Variants in PRPF8 observed in about 807,000 individuals in gnomAD.
PRPF8 encodes pre-mRNA-processing-splicing factor 8.
A neutral mutation model predicts 285.9 loss-of-function variants in PRPF8; 64 were observed. The observed-to-expected ratio is 0.22, with a 90% CI of 0.18 to 0.28. The LOEUF (loss-of-function observed/expected upper bound fraction) is 0.28. PRPF8 is among the 10% of genes least tolerant of loss of function. The probability of loss-of-function intolerance (pLI) is 1.00; values close to 1 mark genes in which losing one functional copy is unlikely to be tolerated. For missense variants in PRPF8, 1,426 were observed against 3,026.7 expected (o/e 0.47, Z 12.41); for synonymous variants, 1,325 against 1,118.2 (o/e 1.18, Z -3.69).
intron 24 of PRPF8, among the ~76,000 whole-genome samples, chr17:1,663,490 C>T (rs114980482): frequency 6.0e-5 from 9 of 150,340 alleles, no homozygotes; most frequent in African/African-American, 1.2e-4. Context: ...AGGCGGGCCT[C>T]GGGGTCAGGA....
chr17:1,678,722 C>A (rs780709823), intron 12 of PRPF8, 40 bp downstream of exon 12: 2 of 1,614,098 alleles, frequency 1.2e-6, no homozygotes, highest in South Asian at 1.1e-5. Context: ...CTTCCTCCAG[C>A]GTCCTCACCC....
In PRPF8 at chr17:1,681,578, A is replaced by G; in HGVS notation, c.766T>C (p.Tyr256His). Residue 256 changes from tyrosine to histidine, a missense_variant, in exon 6 of 43, where the codon TAC (tyrosine) becomes CAC (histidine). Physicochemically the swap from Tyr to His is moderately conservative, Grantham distance 83. Coordinates refer to ENST00000304992, the MANE Select transcript of PRPF8 (RefSeq NM_006445.4). The part of the protein sequence containing the change: ...LTDLVDDNYF[Y>H]LFDLKAFFTS... Reference sequence around the variant, plus strand: ...AAGAAGGCCTTCAAATCAAACAGGTAGAAGTAGTTGTCATCCACCAAGTCT... The same window carrying G: ...AAGAAGGCCTTCAAATCAAACAGGTGGAAGTAGTTGTCATCCACCAAGTCT... 1 of 1,613,830 alleles carries G rather than the reference A, an allele frequency of 6.2e-7. No individual in the cohort carries two copies. Among genetic ancestry groups the G allele is most frequent in the Non-Finnish European group, 8.5e-7 (1 of 1,179,716 alleles).
At position 1,660,978 on chromosome 17, in the gene PRPF8, G is replaced by C; in HGVS notation, c.4508+15C>G. 6.2e-7 allele frequency: 1 copy of C among 1,613,522 alleles called. No individual in the cohort carries two copies. The highest frequency in any genetic ancestry group is 8.5e-7 in the Non-Finnish European group (1 of 1,180,020). ...AGGGTTGTGACAGGTCCCTCTAAGA[G>C]AGGAGAATCCTCACCAGAAAAGCCC... On this transcript the variant is annotated intron_variant, in intron 28 of 42. Coordinates refer to ENST00000304992, the MANE Select transcript of PRPF8 (RefSeq NM_006445.4).
rs1442884009 is a variant in PRPF8, at chr17:1,661,288, C to T, written c.4321G>A (p.Asp1441Asn). The T allele has an allele frequency of 6.2e-7, 1 of 1,614,172 alleles. No individual in the cohort carries two copies. Among genetic ancestry groups the T allele is most frequent in the South Asian group, 1.1e-5 (1 of 91,074 alleles). Reference protein sequence around the residue: ...AYDKGWRVRTDFKQYQVLKQN... With the variant: ...AYDKGWRVRTNFKQYQVLKQN... ...CTACATACCTGATACTGCTTAAAGT[C>T]AGTTCTGACACGCCAGCCCTTATCA... is the stretch of plus-strand genomic sequence containing the variant. The change falls in exon 27 of 43, where the codon GAC becomes AAC. Residue 1441 changes from aspartate to asparagine, a missense_variant. This residue lies in a region of PRPF8 where 40 missense variants were observed against 121.6 expected (regional missense o/e 0.33). Coordinates refer to ENST00000304992, the MANE Select transcript of PRPF8 (RefSeq NM_006445.4). This position sits in a 1 kb window ranked among gnomAD's most constrained non-coding sequence, Gnocchi z 7.3.
intron 24 of PRPF8, among the ~76,000 whole-genome samples, chr17:1,667,929 C>T (rs897828392): frequency 1.3e-5 from 2 of 152,212 alleles, no homozygotes; most frequent in Non-Finnish European, 2.9e-5. Flanking sequence ...CCTCCCACCT[C>T]GGCTTCCAAA....
rs146749363 is a variant in PRPF8, at chr17:1,676,266, G to C, written c.2493C>G (p.Ser831=). 5.1e-4 allele frequency: 820 copies of C among 1,614,056 alleles called. 5 individuals are homozygous for C. In the African/African-American group the frequency reaches 9.1e-3, roughly 18 times the overall value. Residue 831 remains serine, a synonymous_variant, in exon 17 of 43, where the codon TCC becomes TCG. Coordinates refer to ENST00000304992, the MANE Select transcript of PRPF8 (RefSeq NM_006445.4). This position sits in a 1 kb window ranked among gnomAD's most constrained non-coding sequence, Gnocchi z 6.3. ...RFSPIPFPPL[S]YKHDTKLLIL... is the part of the protein sequence containing the mutation. Reference sequence around the variant, plus strand: ...TGAGCAACTTGGTGTCATGCTTATAGGAGAGTGGGGGGAATGGGATGGGTG... The same window carrying C: ...TGAGCAACTTGGTGTCATGCTTATACGAGAGTGGGGGGAATGGGATGGGTG...
At position 1,661,525 on chromosome 17, in the gene PRPF8, T is replaced by C. The variant is rs183947597; in HGVS notation, c.4202+86A>G. The stretch of plus-strand genomic sequence containing the variant: ...CAGCCTTCTCACCTCCATACAACCA[T>C]GGCATGCTCTGACCCTGAACTCCAC... On this transcript the variant is annotated intron_variant, in intron 26 of 42. Transcript: ENST00000304992. This position sits in a 1 kb window ranked among gnomAD's most constrained non-coding sequence, Gnocchi z 7.3. 5.0e-6 allele frequency: 8 copies of C among 1,608,682 alleles called. No homozygotes were observed. In the Admixed American group the frequency reaches 1.2e-4, roughly 24 times the overall value.
chr17:1,675,008 C>A lies in PRPF8; in HGVS notation c.3060+144G>T. On this transcript the variant is annotated intron_variant, in intron 20 of 42. Coordinates refer to ENST00000304992, the MANE Select transcript of PRPF8 (RefSeq NM_006445.4). This position sits in a 1 kb window ranked among gnomAD's most constrained non-coding sequence, Gnocchi z 6.0. ...CAGACTGGTCTCGAACTCCTGACCT[C>A]GTGATCTGCCCGCCTCAGCCTCCCA... 1 of 955,046 alleles carries A rather than the reference C, an allele frequency of 1.0e-6. No homozygotes were observed. The highest frequency in any genetic ancestry group is 1.6e-6 in the Non-Finnish European group (1 of 612,730). 59.2% of individuals were successfully genotyped at this position (955,046 alleles called of 1,614,324 possible). A position where few individuals can be genotyped will look rare whatever the true frequency, so the allele number is the denominator to read the frequency against.
At chr17:1,652,379 C>T (rs1208865355) in intron 39 of PRPF8, among the ~76,000 whole-genome samples, 1 of 152,172 alleles carries the variant, frequency 6.6e-6, no homozygotes, top group Non-Finnish European at 1.5e-5. Flanking sequence ...GCTGGGACTA[C>T]AGGCACATGC....
At chr17:1,684,351 G>T (rs1913111191) in intron 2 of PRPF8, 121 bp downstream of exon 2, 1 of 982,094 alleles carries the variant, frequency 1.0e-6, no homozygotes, top group Non-Finnish European at 1.6e-6. Flanking sequence ...AAAATTAACT[G>T]GAAATAACAA....
chr17:1,658,688 A>G lies in PRPF8; in HGVS notation c.5214T>C (p.Pro1738=). Residue 1738 remains proline, a synonymous_variant, in exon 33 of 43, where the codon CCT becomes CCC. Transcript: ENST00000304992. The surrounding 1 kb of genome is among the most constrained non-coding windows in gnomAD (Gnocchi z 4.1). ...TCCGTTCACGTAACACATACAGGGC[A>G]GGGTTTGCCTTCATGATCTTGGCCA... The part of the protein sequence containing the change: ...QAMAKIMKAN[P]ALYVLRERIR... The G allele has an allele frequency of 6.2e-7, 1 of 1,614,248 alleles. No individual in the cohort carries two copies. Among genetic ancestry groups the G allele is most frequent in the South Asian group, 1.1e-5 (1 of 91,086 alleles).
intron 24 of PRPF8, among the ~76,000 whole-genome samples, chr17:1,665,577 C>G (rs1309582262): frequency 2.0e-5 from 3 of 151,370 alleles, no homozygotes; most frequent in African/African-American, 7.3e-5. Flanking sequence ...GGCACGGTGG[C>G]TCACGCCTGT....
In PRPF8 at chr17:1,659,071, G is replaced by A; in HGVS notation, c.5138+286C>T. ...GATGGAGTCTCACTCTGTCGCCCAG[G>A]CTGGAGTGCAGTGGCGCAATCTCGG... On this transcript the variant is annotated intron_variant, in intron 32 of 42. Transcript: ENST00000304992. This position sits in a 1 kb window ranked among gnomAD's most constrained non-coding sequence, Gnocchi z 5.1. 1 of 575,172 alleles carries A rather than the reference G, an allele frequency of 1.7e-6. No homozygotes were observed. The highest frequency in any genetic ancestry group is 3.0e-6 in the Non-Finnish European group (1 of 329,132). 35.6% of individuals were successfully genotyped at this position (575,172 alleles called of 1,614,324 possible).
At chr17:1,662,819 A>T (rs1445552978) in intron 24 of PRPF8, among the ~76,000 whole-genome samples, 1 of 149,900 alleles carries the variant, frequency 6.7e-6, no homozygotes, top group East Asian at 1.9e-4. Flanking sequence ...AGACAGAGCA[A>T]GACTGTGTCT....
chr17:1,673,588 G>A lies in PRPF8; in HGVS notation c.3447-21C>T. The A allele has an allele frequency of 6.2e-7, 1 of 1,613,680 alleles. No homozygotes were observed. The highest frequency in any genetic ancestry group is 8.5e-7 in the Non-Finnish European group (1 of 1,179,978). ...GGCCTCTGCCCACAGAGAACACATG[G>A]TCACAGCAGTTTCTTGGAAGGAACT... is the stretch of plus-strand genomic sequence containing the variant. On this transcript the variant is annotated intron_variant, in intron 22 of 42. Transcript: ENST00000304992. The surrounding 1 kb of genome is among the most constrained non-coding windows in gnomAD (Gnocchi z 5.5).
At position 1,659,596 on chromosome 17, in the gene PRPF8, A is replaced by G. The variant is rs1359631677; in HGVS notation, c.4947-48T>C. 1.9e-6 allele frequency: 3 copies of G among 1,605,752 alleles called. No individual in the cohort carries two copies. The highest frequency in any genetic ancestry group is 1.7e-5 in the Admixed American group (1 of 59,884). ...CTTCTAAGAAACCATGGGCATAACC[A>G]ATGTCCCCAGAACCAGAACCACTTA... is the stretch of plus-strand genomic sequence containing the variant. On this transcript the variant is annotated intron_variant, in intron 31 of 42. Transcript: ENST00000304992. This position sits in a 1 kb window ranked among gnomAD's most constrained non-coding sequence, Gnocchi z 5.1.
rs1298791789 is a variant in PRPF8, at chr17:1,659,457, C to T, written c.5038G>A (p.Ala1680Thr). ...GTGTAGTCCAGGAACTTGGCCCGGG[C>T]GTAGCGCTCAATGTCGTGGGAATCA... Reference protein sequence around the residue: ...DYDSHDIERYARAKFLDYTTD... With the variant: ...DYDSHDIERYTRAKFLDYTTD... The change falls in exon 32 of 43, where the codon GCC becomes ACC. Residue 1680 changes from alanine to threonine, a missense_variant. By Grantham distance (58) the Ala-to-Thr change is moderately conservative. Around this residue, in one of 34 missense-constraint regions of PRPF8, gnomAD observed 74 missense variants for 161.8 expected, o/e 0.46. Transcript: ENST00000304992. This position sits in a 1 kb window ranked among gnomAD's most constrained non-coding sequence, Gnocchi z 5.1. 1.9e-6 allele frequency: 3 copies of T among 1,613,804 alleles called. No homozygotes were observed. Among genetic ancestry groups the T allele is most frequent in the Non-Finnish European group, 2.5e-6 (3 of 1,180,006 alleles).
chr17:1,651,312 T>C lies in PRPF8; in HGVS notation c.6651-2A>G. The C allele has an allele frequency of 6.2e-7, 1 of 1,614,078 alleles. No homozygotes were observed. The highest frequency in any genetic ancestry group is 8.5e-7 in the Non-Finnish European group (1 of 1,180,008). ...AGTGTACAGGAGCCTGGCGTGAAGC[T>C]GGGGGAGGAACGAGGACAGAGTAAC... On this transcript the variant is annotated splice_acceptor_variant, in intron 41 of 42. Transcript: ENST00000304992. LOFTEE classifies it high-confidence loss of function. The surrounding 1 kb of genome is among the most constrained non-coding windows in gnomAD (Gnocchi z 5.1).
At chr17:1,663,713 A>C (rs1339850492) in intron 24 of PRPF8, among the ~76,000 whole-genome samples, 12 of 130,502 alleles carry the variant, frequency 9.2e-5, no homozygotes, top group African/African-American at 3.8e-4. Context: ...TCCATCTCAA[A>C]AAAAAAAAAA....
Sources: allele counts gnomAD v4.1 joint callset (sites outside exome capture counted in the v4.1 genomes callset), GRCh38; gene constraint gnomAD v4.1.1; regional missense constraint gnomAD v4.1.1; non-coding constraint Gnocchi (gnomAD v3.1); transcripts MANE v1.5; gene names NCBI Gene and HGNC (gene_info 2026-07-23, HGNC 2026-07-21).